SLIT2: variants seen among roughly 807,000 people sequenced by gnomAD.
The protein encoded by SLIT2 is slit homolog 2 protein.
In SLIT2, 41 loss-of-function variants were observed where a neutral mutation model predicts 185.7. The observed-to-expected ratio is 0.22, with a 90% confidence interval of 0.17 to 0.29. SLIT2 has a LOEUF of 0.29. Among genes scored for constraint, SLIT2 ranks in the 10% least tolerant of loss-of-function variants. SLIT2 has a pLI of 1.00. For missense variants in SLIT2, 1,571 were observed against 1,909.0 expected (o/e 0.82, Z 3.30); for synonymous variants, 693 against 680.2 (o/e 1.02, Z -0.29).
intron 4 of SLIT2, among the ~76,000 whole-genome samples, chr4:20,424,425 C>T (rs991973521): frequency 6.6e-6 from 1 of 151,966 alleles, no homozygotes; most frequent in Non-Finnish European, 1.5e-5. Flanking sequence ...TGAGTTTTTC[C>T]ATAAACTTCA....
intron 24 of SLIT2, 140 bp downstream of exon 24, chr4:20,549,268 G>T: frequency 1.8e-6 from 1 of 561,948 alleles, no homozygotes. Flanking sequence ...TTAGGAAATA[G>T]AAAAATCATT....
At chr4:20,404,733 A>G (rs1022767511) in intron 4 of SLIT2, among the ~76,000 whole-genome samples, 2 of 152,044 alleles carry the variant, frequency 1.3e-5, no homozygotes, top group Non-Finnish European at 2.9e-5. Flanking sequence ...ATTTCTGTAT[A>G]GTTATAAAAT....
intron 6 of SLIT2, among the ~76,000 whole-genome samples, chr4:20,483,554 C>T (rs1716915865): frequency 6.6e-6 from 1 of 152,028 alleles, no homozygotes; most frequent in South Asian, 2.1e-4. Flanking sequence ...GTTTATTTTT[C>T]TTTTTCACAG....
At chr4:20,418,134 G>A (rs1348237057) in intron 4 of SLIT2, among the ~76,000 whole-genome samples, 3 of 152,144 alleles carry the variant, frequency 2.0e-5, no homozygotes, top group Non-Finnish European at 4.4e-5. Flanking sequence ...CATGGGAATG[G>A]ATGACTCTGT....
At chr4:20,320,414 A>G (rs1004781832) in intron 4 of SLIT2, among the ~76,000 whole-genome samples, 1 of 152,136 alleles carries the variant, frequency 6.6e-6, no homozygotes, top group African/African-American at 2.4e-5. Flanking sequence ...TATCTAAGTT[A>G]TTCAACTTAT....
At chr4:20,316,029 A>T (rs147886725) in intron 4 of SLIT2, among the ~76,000 whole-genome samples, 1 of 152,146 alleles carries the variant, frequency 6.6e-6, no homozygotes, top group African/African-American at 2.4e-5. Context: ...AATACTCCAC[A>T]ATAAAGTCAC....
intron 4 of SLIT2, among the ~76,000 whole-genome samples, chr4:20,400,815 A>G (rs1055241305): frequency 1.3e-5 from 2 of 151,848 alleles, no homozygotes; most frequent in African/African-American, 4.8e-5. Context: ...TGTCTAAGAA[A>G]GAGATCAGAA....
At position 20,472,572 on chromosome 4, in the gene SLIT2, A is replaced by C. The variant is rs1297064360; in HGVS notation, c.467+4749A>C. On this transcript the variant is annotated intron_variant, in intron 5 of 36. Transcript: ENST00000504154. The stretch of plus-strand genomic sequence containing the variant: ...TATATATAGATATATATCTATATAT[A>C]GATATATCTATATATAGATATATAT... 3.9e-3 allele frequency among the ~76,000 whole-genome samples: 74 copies of C among 19,178 alleles called. 23 individuals carry two copies. Among genetic ancestry groups the C allele is most frequent in the African/African-American group, 5.6e-3 (11 of 1,960 alleles). The allele number at this position is 19,178 out of a possible 152,430, so 12.6% of individuals were successfully genotyped here.
chr4:20,458,195 A>C (rs547598595), intron 4 of SLIT2, among the ~76,000 whole-genome samples: 1 of 152,106 alleles, frequency 6.6e-6, no homozygotes, highest in Non-Finnish European at 1.5e-5. Context: ...TGTACACTTC[A>C]AAGTGGGTGA....
rs375239722 is a variant in SLIT2, at chr4:20,541,646, T to C, written c.2143+27T>C. Reference sequence around the variant, plus strand: ...TAAGAAATACTTATCAACTCTTTGATTGTCAGGCATTCACATGCCTGTTCT... The same window carrying C: ...TAAGAAATACTTATCAACTCTTTGACTGTCAGGCATTCACATGCCTGTTCT... On this transcript the variant is annotated intron_variant, in intron 20 of 36. Transcript: ENST00000504154. The C allele has an allele frequency of 7.5e-6, 12 of 1,601,776 alleles. No individual in the cohort carries two copies. The Admixed American group carries it at 8.3e-5, about 11-fold the overall frequency.
At chr4:20,595,470 T>G (rs1727897131) in intron 30 of SLIT2, among the ~76,000 whole-genome samples, 1 of 68,020 alleles carries the variant, frequency 1.5e-5, no homozygotes, top group Non-Finnish European at 2.6e-5. Flanking sequence ...CTGTGGATGT[T>G]CACTATCAAG....
chr4:20,495,672 A>G (rs899268184), intron 9 of SLIT2, among the ~76,000 whole-genome samples: 4 of 152,176 alleles, frequency 2.6e-5, no homozygotes, highest in Non-Finnish European at 5.9e-5. Flanking sequence ...TAAAGCTACA[A>G]TAAATTAAAT....
At chr4:20,304,218 GC>G (rs1717322219) in intron 4 of SLIT2, among the ~76,000 whole-genome samples, 1 of 152,040 alleles carries the variant, frequency 6.6e-6, no homozygotes, top group Non-Finnish European at 1.5e-5. Context: ...GATGAATGAT[GC>G]TACTTATCCC....
chr4:20,369,645 C>T (rs1004191305), intron 4 of SLIT2, among the ~76,000 whole-genome samples: 8 of 152,198 alleles, frequency 5.3e-5, no homozygotes, highest in African/African-American at 7.2e-5. Context: ...ACAGGAACCA[C>T]TGGGTCTCCT....
chr4:20,511,035 G>A, intron 10 of SLIT2, 31 bp from the exon 11 acceptor site: 1 of 1,374,996 alleles, frequency 7.3e-7, no homozygotes, highest in Non-Finnish European at 1.0e-6. Context: ...ACATTTGATT[G>A]AATGTAACCT....
intron 26 of SLIT2, among the ~76,000 whole-genome samples, chr4:20,555,648 TACCCTCA>T (rs1326142883): frequency 1.3e-5 from 2 of 152,098 alleles, no homozygotes; most frequent in Non-Finnish European, 2.9e-5. Context: ...ATCCTATACA[TACCCTCA>T]ACGTTTTTAA....
intron 4 of SLIT2, among the ~76,000 whole-genome samples, chr4:20,320,205 T>A (rs145255175): frequency 3.5e-4 from 54 of 152,318 alleles, no homozygotes; most frequent in African/African-American, 1.2e-3. Flanking sequence ...TCCTGGATAT[T>A]GTGACTATTT....
chr4:20,464,881 G>A lies in SLIT2; in HGVS notation c.396-2871G>A, dbSNP rs534119936. Among the ~76,000 whole-genome samples, 34 of 151,012 alleles carry A rather than the reference G, an allele frequency of 2.3e-4. No homozygotes were observed. The South Asian group carries it at 4.6e-3, about 21-fold the overall frequency. The stretch of plus-strand genomic sequence containing the variant: ...TTATTCATCCTTCTGTTTGATATTC[G>A]CCTCATCTTCTTTACTCGATTTGAA... On this transcript the variant is annotated intron_variant, in intron 4 of 36. Transcript: ENST00000504154.
At chr4:20,547,873 T>C (rs965028071) in intron 22 of SLIT2, among the ~76,000 whole-genome samples, 2 of 152,056 alleles carry the variant, frequency 1.3e-5, no homozygotes, top group African/African-American at 2.4e-5. Context: ...TCCCATTTAC[T>C]TAACATTCAT....
Sources: allele counts gnomAD v4.1 joint callset (sites outside exome capture counted in the v4.1 genomes callset), GRCh38; gene constraint gnomAD v4.1.1; transcripts MANE v1.5; gene names NCBI Gene and HGNC (gene_info 2026-07-23, HGNC 2026-07-21).